The following KLRG1 variants were observed in gnomAD, a reference collection of about 807,000 sequenced individuals.
KLRG1 encodes the protein killer cell lectin like receptor G1.
In KLRG1, 16 loss-of-function variants were observed where a neutral mutation model predicts 21.8. The observed-to-expected ratio is 0.73, with a 90% CI of 0.50 to 1.11. The LOEUF is 1.11. Among genes scored for constraint, KLRG1 ranks in the 50% most tolerant of loss-of-function variants. KLRG1 has a pLI of 0.00. For synonymous variants in KLRG1, 69 were observed against 75.9 expected (o/e 0.91, Z 0.47); for missense variants, 173 against 218.3 (o/e 0.79, Z 1.31).
the KLRG1 span, among the ~76,000 whole-genome samples, chr12:9,023,957 C>G: frequency 6.7e-6 from 1 of 149,138 alleles, no homozygotes; most frequent in Non-Finnish European, 1.5e-5. Flanking sequence ...AAATAAGTAT[C>G]CTTTTTCCAT....
At chr12:9,181,086 G>A in the KLRG1 span, 1 of 1,614,144 alleles carries the variant, frequency 6.2e-7, no homozygotes, top group Non-Finnish European at 8.5e-7. Context: ...TTGCAGGTGG[G>A]CATGTGAGGC....
At chr12:9,067,178 C>T in the KLRG1 span, 1 of 154,782 alleles carries the variant, frequency 6.5e-6, no homozygotes, top group East Asian at 1.9e-4. Context: ...TTGAGTCATA[C>T]ACATTCCTTC....
intron 1 of KLRG1, among the ~76,000 whole-genome samples, chr12:8,970,150 A>T (rs1385590628): frequency 6.6e-6 from 1 of 152,200 alleles, no homozygotes; most frequent in Non-Finnish European, 1.5e-5. Flanking sequence ...AACAACCACG[A>T]TAATAAGTGG....
the KLRG1 span, chr12:9,158,580 G>T: frequency 1.2e-6 from 2 of 1,613,714 alleles, no homozygotes; most frequent in African/African-American, 2.7e-5. Context: ...TGTGAGCCTA[G>T]GGGGAGGAAA....
At chr12:9,142,010 T>G in the KLRG1 span, among the ~76,000 whole-genome samples, 5 of 152,320 alleles carry the variant, frequency 3.3e-5, no homozygotes, top group Non-Finnish European at 7.4e-5. Context: ...AAATTCCCTT[T>G]TATAAATTTT....
chr12:9,190,411 T>C, the KLRG1 span, among the ~76,000 whole-genome samples: 3 of 152,212 alleles, frequency 2.0e-5, no homozygotes, highest in Non-Finnish European at 2.9e-5. Flanking sequence ...AAACCAAATA[T>C]TCCATGTGCT....
chr12:9,164,718 C>T, the KLRG1 span, among the ~76,000 whole-genome samples: 21 of 152,294 alleles, frequency 1.4e-4, no homozygotes, highest in East Asian at 1.4e-3. Context: ...GATCTATATA[C>T]AACCACTATT....
chr12:9,158,709 C>A, the KLRG1 span: 2 of 721,188 alleles, frequency 2.8e-6, no homozygotes, highest in Non-Finnish European at 4.0e-6. Context: ...AGTTTGGAGA[C>A]TTTTTCTTTT....
At chr12:8,966,069 G>C (rs1022841136) in intron 1 of KLRG1, among the ~76,000 whole-genome samples, 13 of 152,068 alleles carry the variant, frequency 8.5e-5, no homozygotes, top group Non-Finnish European at 1.8e-4. Flanking sequence ...ACAAACCTGA[G>C]AAAAACAAGC....
chr12:8,950,255 AATT>A (rs1269539407), intron 1 of KLRG1: 2 of 152,228 alleles, frequency 1.3e-5, no homozygotes, highest in South Asian at 4.1e-4. Context: ...CCTTGGGGTG[AATT>A]ATTATTGTTA....
chr12:9,107,685 G>A, the KLRG1 span: 6 of 1,603,544 alleles, frequency 3.7e-6, no homozygotes, highest in African/African-American at 1.3e-5. Flanking sequence ...AGCAGACACT[G>A]AACCTCCCCA....
chr12:9,093,154 T>A, the KLRG1 span, among the ~76,000 whole-genome samples: 4 of 152,164 alleles, frequency 2.6e-5, no homozygotes, highest in Non-Finnish European at 4.4e-5. Flanking sequence ...TGAATAAATT[T>A]AGAAATCTAA....
chr12:9,072,600 G>GAGA, the KLRG1 span: 30 of 1,598,932 alleles, frequency 1.9e-5, 1 homozygote, highest in South Asian at 3.3e-5. Flanking sequence ...ACTTCTCAGA[G>GAGA]AGAACAGCTG....
At chr12:9,068,654 T>C in the KLRG1 span, 1 of 1,070,648 alleles carries the variant, frequency 9.3e-7, no homozygotes. Context: ...TTACTTAATG[T>C]AATAAATAAC....
At chr12:9,154,782 T>G in the KLRG1 span, 1 of 1,614,004 alleles carries the variant, frequency 6.2e-7, no homozygotes, top group Non-Finnish European at 8.5e-7. Context: ...CTGGGTTTGG[T>G]AAAGATGCCC....
intron 3 of KLRG1, among the ~76,000 whole-genome samples, 195 bp downstream of exon 3, chr12:8,995,483 C>T (rs780798094): frequency 2.0e-5 from 3 of 152,186 alleles, no homozygotes; most frequent in Admixed American, 6.5e-5. Context: ...TCTCCCTCCC[C>T]ACTCTTTACC....
the KLRG1 span, chr12:9,028,850 C>T: frequency 2.8e-5 from 18 of 641,466 alleles, no homozygotes; most frequent in South Asian, 1.6e-4. Flanking sequence ...CACAAATCTT[C>T]CATCCACTTG....
chr12:9,079,832 A>G, the KLRG1 span: 1 of 1,559,382 alleles, frequency 6.4e-7, no homozygotes, highest in Non-Finnish European at 8.7e-7. Context: ...AATGGGAGAG[A>G]TGGGAAGTCA....
chr12:9,152,179 A>T, the KLRG1 span: 1 of 1,373,970 alleles, frequency 7.3e-7, no homozygotes, highest in Non-Finnish European at 1.0e-6. Context: ...GATACAGAAC[A>T]TACTTTTGTA....
Sources: allele counts gnomAD v4.1 joint callset (sites outside exome capture counted in the v4.1 genomes callset), GRCh38; gene constraint gnomAD v4.1.1; transcripts MANE v1.5; gene names NCBI Gene and HGNC (gene_info 2026-07-23, HGNC 2026-07-21).